The following DAB1 variants were observed in gnomAD, a reference collection of about 807,000 sequenced individuals.
The protein encoded by DAB1 is DAB adaptor protein 1.
Under a neutral mutation model 64.6 loss-of-function variants are expected in DAB1, and 15 were observed. The ratio of observed to expected loss-of-function variants is 0.23; its 90% CI spans 0.16 to 0.36. DAB1 has a LOEUF of 0.36. Ranked by LOEUF, DAB1 falls within the 10% of genes least tolerant of loss-of-function variation. The probability of loss-of-function intolerance (pLI) is 1.00; values close to 1 mark genes in which losing one functional copy is unlikely to be tolerated. For synonymous variants in DAB1, 235 were observed against 251.9 expected (o/e 0.93, Z 0.64); for missense variants, 596 against 706.7 (o/e 0.84, Z 1.78).
chr1:57,390,015 CCTGGCCCCCAAACCAA>C (rs1452932670), intron 1 of DAB1, among the ~76,000 whole-genome samples: 1 of 152,206 alleles, frequency 6.6e-6, no homozygotes, highest in Non-Finnish European at 1.5e-5. Flanking sequence ...ACCCAGGCCA[CCTGGCCCCCAAACCAA>C]TGTTGTTAAT....
chr1:57,478,925 A>G (rs1446805169), intron 7 of DAB1, among the ~76,000 whole-genome samples: 5 of 152,002 alleles, frequency 3.3e-5, no homozygotes, highest in Non-Finnish European at 1.5e-5. Context: ...TGCTAAGTCT[A>G]CTGACTAGTA....
intron 1 of DAB1, among the ~76,000 whole-genome samples, chr1:57,392,362 A>C (rs1175511606): frequency 1.3e-5 from 2 of 152,154 alleles, no homozygotes; most frequent in Non-Finnish European, 2.9e-5. Context: ...ACAGAGCGAG[A>C]CTGTCTCAAA....
At position 57,838,810 on chromosome 1, in the gene DAB1, T is replaced by A. The variant is rs1318434668; in HGVS notation, n.88-12355A>T. ...TCTTTTTTTTGAGGCAGGGTCTCTC[T>A]CTGTCACCCAGGCTAGAGTGCAGTG... is the stretch of plus-strand genomic sequence containing the variant. On this transcript the variant is annotated intron_variant and non_coding_transcript_variant, in intron 1 of 1. Coordinates refer to the DAB1 transcript ENST00000477280. Among the ~76,000 whole-genome samples, 8 of 151,260 alleles carry A rather than the reference T, an allele frequency of 5.3e-5. No homozygotes were observed. In the South Asian group the frequency reaches 6.3e-4, roughly 12 times the overall value.
chr1:58,344,339 G>T (rs1452321463), intron 3 of DAB1, among the ~76,000 whole-genome samples: 2 of 152,052 alleles, frequency 1.3e-5, no homozygotes, highest in Non-Finnish European at 2.9e-5. Context: ...GGAAATTAGT[G>T]GTCCAGTGAA....
intron 5 of DAB1, among the ~76,000 whole-genome samples, chr1:58,021,673 A>G (rs1270036085): frequency 6.6e-6 from 1 of 152,240 alleles, no homozygotes; most frequent in Non-Finnish European, 1.5e-5. Context: ...TGATGGTGAC[A>G]AGAGGGCAGC....
At chr1:57,681,132 G>T (rs927298414) in intron 6 of DAB1, among the ~76,000 whole-genome samples, 5 of 152,196 alleles carry the variant, frequency 3.3e-5, no homozygotes, top group Non-Finnish European at 5.9e-5. Flanking sequence ...TTGTAGGAGA[G>T]AATCCTCCTT....
At position 57,630,627 on chromosome 1, in the gene DAB1, C is replaced by A. The variant is rs1277337255; in HGVS notation, n.625+18965G>T. Among the ~76,000 whole-genome samples the A allele has an allele frequency of 3.9e-5, 6 of 152,154 alleles. No homozygotes were observed. The East Asian group carries it at 1.2e-3, about 29-fold the overall frequency. On this transcript the variant is annotated intron_variant and non_coding_transcript_variant, in intron 7 of 20. Coordinates refer to the DAB1 transcript ENST00000485760. ...CCACATGACCCCAAGCTAATTACTTCACTTAACTGAGCACCATTTAATAAA... is the reference window on the plus strand; with the variant it reads ...CCACATGACCCCAAGCTAATTACTTAACTTAACTGAGCACCATTTAATAAA...
At chr1:57,575,466 CA>C (rs1645239296) in intron 7 of DAB1, among the ~76,000 whole-genome samples, 2 of 152,118 alleles carry the variant, frequency 1.3e-5, no homozygotes, top group African/African-American at 4.8e-5. Context: ...CTTGGTCCCA[CA>C]TCGAAAAGTT....
Position 57,015,475 on chromosome 1 carries a change from T to C in DAB1, c.896-44A>G, listed in dbSNP as rs560717295. ...AGAGTCAGGTGTTTCCCTGGTGTCC[T>C]GGGAAAGAAGGATGCATGGACTCAG... On this transcript the variant is annotated intron_variant, in intron 11 of 14. Transcript: ENST00000371236. 2.0e-6 allele frequency: 3 copies of C among 1,524,764 alleles called. No individual in the cohort carries two copies. In the South Asian group the frequency reaches 3.8e-5, roughly 19 times the overall value. 94.5% of individuals were successfully genotyped at this position (1,524,764 alleles called of 1,614,324 possible). A position where few individuals can be genotyped will look rare whatever the true frequency, so the allele number is the denominator to read the frequency against.
intron 2 of DAB1, among the ~76,000 whole-genome samples, chr1:57,290,459 T>C (rs942558687): frequency 2.0e-5 from 3 of 152,150 alleles, no homozygotes; most frequent in African/African-American, 7.2e-5. Context: ...CTCCCAGTGA[T>C]TCGGGTCCAG....
At chr1:57,485,745 C>T (rs1270730165) in intron 7 of DAB1, among the ~76,000 whole-genome samples, 3 of 152,116 alleles carry the variant, frequency 2.0e-5, no homozygotes, top group Admixed American at 6.5e-5. Flanking sequence ...TGTGATGATG[C>T]GTTTAAACAC....
chr1:57,578,644 C>G (rs747139557), intron 7 of DAB1, among the ~76,000 whole-genome samples: 2 of 152,200 alleles, frequency 1.3e-5, no homozygotes, highest in African/African-American at 4.8e-5. Context: ...ATGCCACATA[C>G]GATTCCATAA....
chr1:58,391,764 C>T (rs1266198091), intron 3 of DAB1, among the ~76,000 whole-genome samples: 1 of 152,222 alleles, frequency 6.6e-6, no homozygotes, highest in Non-Finnish European at 1.5e-5. Context: ...CCTGCACCCA[C>T]TCTTAGTGTC....
At chr1:57,452,076 C>A (rs1472818091) in intron 7 of DAB1, among the ~76,000 whole-genome samples, 3 of 151,424 alleles carry the variant, frequency 2.0e-5, no homozygotes, top group Non-Finnish European at 4.4e-5. Context: ...GACCAGCTGT[C>A]CATAGGCCCC....
intron 5 of DAB1, among the ~76,000 whole-genome samples, chr1:58,138,645 C>T (rs1160280740): frequency 6.6e-6 from 1 of 152,004 alleles, no homozygotes; most frequent in Non-Finnish European, 1.5e-5. Flanking sequence ...TGAGGAGCCA[C>T]TAAAGGTTTC....
At chr1:57,757,820 T>G (rs1335899700) in intron 6 of DAB1, among the ~76,000 whole-genome samples, 1 of 152,146 alleles carries the variant, frequency 6.6e-6, no homozygotes, top group East Asian at 1.9e-4. Context: ...AGCTTCTTCA[T>G]TTTTCTTTAT....
At chr1:57,638,806 T>G in intron 7 of DAB1, among the ~76,000 whole-genome samples, 1 of 151,958 alleles carries the variant, frequency 6.6e-6, no homozygotes, top group Non-Finnish European at 1.5e-5. Context: ...GTAACAGTCA[T>G]AGGTAATCCA....
chr1:57,887,308 A>G (rs1177554686), upstream of DAB1, among the ~76,000 whole-genome samples: 1 of 152,134 alleles, frequency 6.6e-6, no homozygotes, highest in Non-Finnish European at 1.5e-5. Context: ...GAACATGGGG[A>G]CTATATCTTA....
chr1:57,264,910 A>G (rs775125932), intron 2 of DAB1, among the ~76,000 whole-genome samples: 19 of 152,028 alleles, frequency 1.2e-4, no homozygotes, highest in African/African-American at 4.1e-4. Context: ...AACTGCTTAC[A>G]TTTGTAGTCT....
Sources: gnomAD v4.1 joint callset for allele counts (sites outside exome capture counted in the v4.1 genomes callset) on GRCh38, gnomAD v4.1.1 for gene constraint, MANE v1.5 for transcripts, NCBI Gene and HGNC (gene_info 2026-07-23, HGNC 2026-07-21) for gene names.